ST3GAL5: variants seen among roughly 807,000 people sequenced by gnomAD.
The protein encoded by ST3GAL5 is lactosylceramide alpha-2,3-sialyltransferase.
A neutral mutation model predicts 46.1 loss-of-function variants in ST3GAL5; 25 were observed. The observed-to-expected ratio is 0.54, with a 90% CI of 0.40 to 0.76. The LOEUF (loss-of-function observed/expected upper bound fraction) is 0.76. ST3GAL5 is among the 30% of genes least tolerant of loss of function. The probability of loss-of-function intolerance (pLI) is 0.00; values close to 1 mark genes in which losing one functional copy is unlikely to be tolerated. For missense variants in ST3GAL5, 431 were observed against 521.2 expected, an observed-to-expected ratio of 0.83 and a Z score of 1.69; for synonymous variants, 182 against 192.7, an observed-to-expected ratio of 0.94 and a Z score of 0.46.
chr2:85,874,831 C>T (rs1686343351), intron 1 of ST3GAL5, among the ~76,000 whole-genome samples: 1 of 151,224 alleles, frequency 6.6e-6, no homozygotes, highest in African/African-American at 2.4e-5. Context: ...AACCCAAATT[C>T]ACCACGGTCC....
intron 1 of ST3GAL5, 73 bp from the exon 2 acceptor site, chr2:85,863,558 A>ATT: frequency 6.5e-7 from 1 of 1,545,232 alleles, no homozygotes; most frequent in South Asian, 1.1e-5. Context: ...ATGGTTTTCA[A>ATT]AGAGCCTTTA....
chr2:85,880,780 T>C (rs935655961), intron 1 of ST3GAL5: 1 of 464,414 alleles, frequency 2.2e-6, no homozygotes, highest in Non-Finnish European at 4.2e-6. Context: ...GCCAAGATGG[T>C]GCCACTGCAC....
At chr2:85,868,534 C>T (rs1196312211) in intron 1 of ST3GAL5, among the ~76,000 whole-genome samples, 1 of 149,326 alleles carries the variant, frequency 6.7e-6, no homozygotes, top group African/African-American at 2.5e-5. Context: ...TGGTCTCTAA[C>T]TCCTGGGCTC....
chr2:85,866,314 C>T (rs1685281744), intron 1 of ST3GAL5: 1 of 152,246 alleles, frequency 6.6e-6, no homozygotes, highest in South Asian at 2.1e-4. Context: ...TTCTCAACCC[C>T]AGTCAATCCC....
chr2:85,848,396 T>C (rs1229571028), intron 3 of ST3GAL5, 192 bp from the exon 4 acceptor site: 12 of 1,540,738 alleles, frequency 7.8e-6, no homozygotes, highest in East Asian at 5.0e-5. Flanking sequence ...GAGAATCACA[T>C]GACAAGGAGA....
rs143747207 is a variant in ST3GAL5 at position 85,888,617 on chromosome 2, AC to A, written c.82+206del. 196 of 298,476 alleles carry A rather than the reference AC, an allele frequency of 6.6e-4. 1 individual carries two copies. In the East Asian group the frequency reaches 9.1e-3, roughly 14 times the overall value. The allele number at this position is 298,476 out of a possible 1,614,324, so 18.5% of individuals were successfully genotyped here. A position where few individuals can be genotyped will look rare whatever the true frequency, so the allele number is the denominator to read the frequency against. On this transcript the variant is annotated intron_variant, in intron 1 of 6. Transcript: ENST00000638572. ...TCTACCGCGTACACACCTGCGTGGG[AC>A]CCCCCGCCCGGTCCACACGGCCCGG...
chr2:85,879,020 G>A (rs939435007), intron 1 of ST3GAL5, among the ~76,000 whole-genome samples: 4 of 152,236 alleles, frequency 2.6e-5, no homozygotes, highest in African/African-American at 9.6e-5. Flanking sequence ...CTGGGGAACA[G>A]TGGGCAGAAG....
intron 1 of ST3GAL5, among the ~76,000 whole-genome samples, chr2:85,879,800 G>A (rs532474210): frequency 1.3e-5 from 2 of 152,304 alleles, no homozygotes; most frequent in Admixed American, 1.3e-4. Flanking sequence ...GTACCCAAAG[G>A]CTCCAACATA....
At chr2:85,883,129 C>T (rs1251247392) in intron 1 of ST3GAL5, among the ~76,000 whole-genome samples, 1 of 151,990 alleles carries the variant, frequency 6.6e-6, no homozygotes, top group Non-Finnish European at 1.5e-5. Flanking sequence ...TTGGAGGGGC[C>T]AGGGGAGGAA....
chr2:85,885,091 G>A (rs1396947117), intron 1 of ST3GAL5, among the ~76,000 whole-genome samples: 2 of 152,168 alleles, frequency 1.3e-5, no homozygotes, highest in African/African-American at 4.8e-5. Flanking sequence ...CAACAAAAAT[G>A]TCTTACATGG....
chr2:85,867,681 T>C, intron 1 of ST3GAL5: 1 of 780,606 alleles, frequency 1.3e-6, no homozygotes, highest in African/African-American at 1.7e-5. Flanking sequence ...ACTGAGGGTG[T>C]ATACACCCAG....
At chr2:85,857,254 A>C (rs1333174784) in intron 3 of ST3GAL5, among the ~76,000 whole-genome samples, 6 of 150,840 alleles carry the variant, frequency 4.0e-5, no homozygotes, top group Non-Finnish European at 7.4e-5. Flanking sequence ...AAAAGAAAAG[A>C]AGCTGGGCTC....
chr2:85,880,369 C>T (rs1464272830), intron 1 of ST3GAL5, among the ~76,000 whole-genome samples: 2 of 152,256 alleles, frequency 1.3e-5, no homozygotes, highest in Non-Finnish European at 2.9e-5. Flanking sequence ...ACCCCACTCA[C>T]ATCTCTTTTA....
intron 1 of ST3GAL5, chr2:85,869,966 A>T (rs1012679939): frequency 8.8e-6 from 3 of 340,850 alleles, no homozygotes; most frequent in South Asian, 7.0e-5. Flanking sequence ...ACGCACACAT[A>T]GCCTCCGTTC....
At chr2:85,874,767 A>G (rs1386052258) in intron 1 of ST3GAL5, among the ~76,000 whole-genome samples, 1 of 151,454 alleles carries the variant, frequency 6.6e-6, no homozygotes, top group Non-Finnish European at 1.5e-5. Context: ...TGCAGAGTGA[A>G]TGAACAGAAG....
intron 1 of ST3GAL5, chr2:85,887,566 CCTT>C (rs1013678442): frequency 5.9e-5 from 9 of 152,368 alleles, no homozygotes; most frequent in South Asian, 2.1e-4. Context: ...ATGAATCTCT[CCTT>C]CTCCAAGTGA....
At position 85,863,486 on chromosome 2, in the gene ST3GAL5, C is replaced by T; in HGVS notation, c.83-1G>A. 6.2e-7 allele frequency: 1 copy of T among 1,614,066 alleles called. No homozygotes were observed. The highest frequency in any genetic ancestry group is 8.5e-7 in the Non-Finnish European group (1 of 1,180,018). On this transcript the variant is annotated splice_acceptor_variant, in intron 1 of 6. Coordinates refer to ENST00000638572, the MANE Select transcript of ST3GAL5 (RefSeq NM_003896.4). LOFTEE classifies it high-confidence loss of function. ...ACATAGGTGTACTCACTTGGCATTG[C>T]TGTGAAGAGAGGCGAAGAGGGCAGT...
intron 1 of ST3GAL5, among the ~76,000 whole-genome samples, chr2:85,881,799 C>T (rs779174738): frequency 6.6e-6 from 1 of 152,162 alleles, no homozygotes; most frequent in African/African-American, 2.4e-5. Flanking sequence ...GAAAAGGAAA[C>T]CCCATTTTCT....
chr2:85,883,847 C>G (rs1443952060), intron 1 of ST3GAL5, among the ~76,000 whole-genome samples: 1 of 152,160 alleles, frequency 6.6e-6, no homozygotes, highest in East Asian at 1.9e-4. Flanking sequence ...TGGGGAAGTC[C>G]TCTCACGAAG....
Sources: allele counts gnomAD v4.1 joint callset (sites outside exome capture counted in the v4.1 genomes callset), GRCh38; gene constraint gnomAD v4.1.1; transcripts MANE v1.5; gene names NCBI Gene and HGNC (gene_info 2026-07-23, HGNC 2026-07-21).